FMN2: variants seen among roughly 807,000 people sequenced by gnomAD.
The protein encoded by FMN2 is formin-2.
FMN2 carries 51 observed loss-of-function variants against 142.3 expected under a neutral mutation model. That is an observed-to-expected ratio of 0.36 (90% CI 0.29 to 0.45). The LOEUF (loss-of-function observed/expected upper bound fraction) is 0.45, where lower values mean the gene tolerates loss of function less well. Ranked by LOEUF, FMN2 falls within the 20% of genes least tolerant of loss-of-function variation. The pLI, the probability that FMN2 is intolerant of heterozygous loss-of-function variation, is 1.00. For synonymous variants in FMN2, 882 were observed against 869.8 expected, an observed-to-expected ratio of 1.01 and a Z score of -0.25; for missense variants, 1,936 against 2,122.8, an observed-to-expected ratio of 0.91 and a Z score of 1.73.
At chr1:240,201,508 G>A (rs965869068) in intron 4 of FMN2, among the ~76,000 whole-genome samples, 2 of 152,080 alleles carry the variant, frequency 1.3e-5, no homozygotes, top group African/African-American at 4.8e-5. Context: ...ATTGTCAGAG[G>A]CCTTTGGGGA....
chr1:240,215,318 T>A (rs908775878), intron 6 of FMN2, among the ~76,000 whole-genome samples: 2 of 152,204 alleles, frequency 1.3e-5, no homozygotes, highest in Non-Finnish European at 2.9e-5. Flanking sequence ...AGCACTTATA[T>A]CAGCTCATAT....
intron 14 of FMN2, among the ~76,000 whole-genome samples, chr1:240,391,406 C>T (rs1490928620): frequency 6.7e-6 from 1 of 149,656 alleles, no homozygotes; most frequent in Non-Finnish European, 1.5e-5. Context: ...TCTCGAGTGA[C>T]CATGGGTTTT....
intron 6 of FMN2, among the ~76,000 whole-genome samples, chr1:240,237,176 G>A (rs1010012991): frequency 2.6e-5 from 4 of 152,186 alleles, no homozygotes; most frequent in African/African-American, 9.7e-5. Flanking sequence ...TTTAAAGACT[G>A]GGCTAACAGT....
chr1:240,210,997 GCCTTCCTCC>G, intron 5 of FMN2, 85 bp from the exon 6 acceptor site: 1 of 1,147,364 alleles, frequency 8.7e-7, no homozygotes, highest in Non-Finnish European at 1.2e-6. Flanking sequence ...CCTCCTGCTG[GCCTTCCTCC>G]CTCCCCTTCT....
chr1:240,118,788 T>C (rs1412884683), intron 1 of FMN2, among the ~76,000 whole-genome samples: 1 of 151,902 alleles, frequency 6.6e-6, no homozygotes, highest in Non-Finnish European at 1.5e-5. Context: ...TCACTAAGAA[T>C]GATAGGAGCA....
intron 4 of FMN2, among the ~76,000 whole-genome samples, chr1:240,198,439 G>T (rs116360998): frequency 0.029 from 4,380 of 152,186 alleles, 225 homozygotes; most frequent in African/African-American, 0.1. Context: ...ACATTTCTCA[G>T]TCATCCGTGA....
At position 240,114,905 on chromosome 1, in the gene FMN2, C is replaced by T. The variant is rs190000674; in HGVS notation, c.1616-8274C>T. 3.9e-3 allele frequency among the ~76,000 whole-genome samples: 590 copies of T among 152,246 alleles called. 1 individual carries two copies. Among genetic ancestry groups the T allele is most frequent in the Non-Finnish European group, 6.4e-3 (437 of 68,012 alleles). On this transcript the variant is annotated intron_variant, in intron 1 of 17. Coordinates refer to ENST00000319653, the MANE Select transcript of FMN2 (RefSeq NM_020066.5). ...TCTCTTGACCTTGTGATCTGCCCAC[C>T]TCGGCCTCCCAAAGTGCTGGGATTA...
intron 1 of FMN2, among the ~76,000 whole-genome samples, chr1:240,102,149 A>G (rs1462859353): frequency 6.6e-6 from 1 of 152,162 alleles, no homozygotes; most frequent in African/African-American, 2.4e-5. Flanking sequence ...GTGGTATTCC[A>G]TTTAGAAGTG....
chr1:240,149,799 T>G (rs1663685575), intron 2 of FMN2, among the ~76,000 whole-genome samples: 1 of 152,212 alleles, frequency 6.6e-6, no homozygotes, highest in South Asian at 2.1e-4. Flanking sequence ...CACAGGAAGA[T>G]TAATTGTAAT....
intron 15 of FMN2, among the ~76,000 whole-genome samples, chr1:240,396,179 A>G (rs949411816): frequency 6.6e-6 from 1 of 152,216 alleles, no homozygotes; most frequent in Non-Finnish European, 1.5e-5. Context: ...AATAGACTAT[A>G]GTATAATGTA....
chr1:240,107,578 A>G (rs1487698965), intron 1 of FMN2, among the ~76,000 whole-genome samples: 1 of 152,178 alleles, frequency 6.6e-6, no homozygotes, highest in East Asian at 1.9e-4. Flanking sequence ...AAATACCAGG[A>G]AATTCATAAC....
Position 240,093,488 on chromosome 1 carries a change from C to A in FMN2, c.1379C>A (p.Ala460Asp), listed in dbSNP as rs1661084548. The change falls in exon 1 of 18, where the codon GCC becomes GAC. Residue 460 changes from alanine to aspartate, a missense_variant. Around this residue, in one of 8 missense-constraint regions of FMN2, gnomAD observed 751 missense variants for 791.8 expected, o/e 0.95. Transcript: ENST00000319653. ...AGCCGAGGGTCCAGAACTGCCCTGG[C>A]CTCCGTAGCCGCCCCGGCCAAGAAG... ...SLSRGSRTALASVAAPAKKHR... is the reference protein window; with the variant it reads ...SLSRGSRTALDSVAAPAKKHR... 6.2e-7 allele frequency: 1 copy of A among 1,602,032 alleles called. No homozygotes were observed. Among genetic ancestry groups the A allele is most frequent in the Non-Finnish European group, 8.5e-7 (1 of 1,175,424 alleles).
intron 6 of FMN2, among the ~76,000 whole-genome samples, chr1:240,222,342 G>C (rs1484240573): frequency 2.0e-5 from 3 of 151,882 alleles, no homozygotes; most frequent in Admixed American, 6.6e-5. Context: ...CTGTTCCATT[G>C]GTCTATATAT....
In FMN2 at chr1:240,093,073, G is replaced by A; in HGVS notation, c.964G>A (p.Ala322Thr). ...GGCCAAAGACTCGCCCTCCTCCACG[G>A]CTTTCCCATTTCCCGAGGCCGGGCC... is the stretch of plus-strand genomic sequence containing the variant. ...PAAKDSPSST[A>T]FPFPEAGPGE... Residue 322 changes from alanine to threonine, a missense_variant, in exon 1 of 18, where the codon GCT becomes ACT. Ala to Thr is a moderately conservative substitution (Grantham distance 58, BLOSUM62 0). Around this residue, in one of 8 missense-constraint regions of FMN2, gnomAD observed 751 missense variants for 791.8 expected, o/e 0.95. Transcript: ENST00000319653. The A allele has an allele frequency of 2.1e-6, 3 of 1,397,394 alleles. No homozygotes were observed. The highest frequency in any genetic ancestry group is 2.8e-6 in the Non-Finnish European group (3 of 1,085,584). 86.6% of individuals were successfully genotyped at this position (1,397,394 alleles called of 1,614,324 possible). A position where few individuals can be genotyped will look rare whatever the true frequency, so the allele number is the denominator to read the frequency against.
chr1:240,288,256 A>C (rs1669656730), intron 7 of FMN2, among the ~76,000 whole-genome samples: 1 of 152,130 alleles, frequency 6.6e-6, no homozygotes. Context: ...ACGTCTCTGT[A>C]TATCTACAGA....
At position 240,092,186 on chromosome 1, in the gene FMN2, C is replaced by A; in HGVS notation, c.77C>A (p.Ala26Glu). 1.3e-6 allele frequency: 2 copies of A among 1,578,540 alleles called. No homozygotes were observed. Among genetic ancestry groups the A allele is most frequent in the Non-Finnish European group, 1.7e-6 (2 of 1,163,858 alleles). ...LHEGGGGAED[A>E]LGPRDVEATK... ...GAAGGCGGCGGTGGCGCCGAGGATG[C>A]GCTGGGGCCCAGGGATGTGGAAGCC... Residue 26 changes from alanine (A) to glutamate (E), a missense_variant, in exon 1 of 18, where the codon GCG becomes GAG. Coordinates refer to ENST00000319653, the MANE Select transcript of FMN2 (RefSeq NM_020066.5).
Position 240,367,637 on chromosome 1 carries a change from G to A in FMN2, c.4858+11729G>A, listed in dbSNP as rs535539006. Reference sequence around the variant, plus strand: ...TAAAAAATAAGCCGGGAGTGGTGGTGGGCTCCTGTAGTCCCAGCTACTCGG... The same window carrying A: ...TAAAAAATAAGCCGGGAGTGGTGGTAGGCTCCTGTAGTCCCAGCTACTCGG... On this transcript the variant is annotated intron_variant, in intron 14 of 17. Transcript: ENST00000319653. Among the ~76,000 whole-genome samples the A allele has an allele frequency of 2.1e-3, 313 of 151,676 alleles. 1 individual carries two copies. Among genetic ancestry groups the A allele is most frequent in the African/African-American group, 7.2e-3 (300 of 41,394 alleles).
chr1:240,299,630 G>T (rs546495888), intron 8 of FMN2, among the ~76,000 whole-genome samples: 1 of 152,164 alleles, frequency 6.6e-6, no homozygotes, highest in East Asian at 1.9e-4. Flanking sequence ...GAGTAGATTT[G>T]CTTCCTTCTT....
chr1:240,312,447 A>G (rs1670630868), intron 8 of FMN2, among the ~76,000 whole-genome samples: 1 of 152,174 alleles, frequency 6.6e-6, no homozygotes, highest in African/African-American at 2.4e-5. Flanking sequence ...CATTGTACGC[A>G]TATTCACTTT....
Sources: gnomAD v4.1 joint callset for allele counts (sites outside exome capture counted in the v4.1 genomes callset) on GRCh38, gnomAD v4.1.1 for gene constraint, gnomAD v4.1.1 regional missense constraint, MANE v1.5 for transcripts, NCBI Gene and HGNC (gene_info 2026-07-23, HGNC 2026-07-21) for gene names.